CDKAL1: variants seen among roughly 807,000 people sequenced by gnomAD.
CDKAL1 encodes the protein CDKAL1 threonylcarbamoyladenosine tRNA methylthiotransferase, also known as threonylcarbamoyladenosine tRNA methylthiotransferase.
A neutral mutation model predicts 68.2 loss-of-function variants in CDKAL1; 32 were observed. That is an observed-to-expected ratio of 0.47 (90% confidence interval 0.35 to 0.63). The LOEUF (loss-of-function observed/expected upper bound fraction) is 0.63, where lower values mean the gene tolerates loss of function less well. CDKAL1 is among the 30% of genes least tolerant of loss of function. CDKAL1 has a pLI of 0.00. For synonymous variants in CDKAL1, 234 were observed against 244.3 expected (o/e 0.96, Z 0.39); for missense variants, 606 against 696.7 (o/e 0.87, Z 1.47).
At chr6:20,535,965 T>G (rs1458428405) in intron 2 of CDKAL1, among the ~76,000 whole-genome samples, 1 of 152,208 alleles carries the variant, frequency 6.6e-6, no homozygotes, top group African/African-American at 2.4e-5. Flanking sequence ...ACGGCTTCCC[T>G]ATGCCACCCA....
At chr6:20,816,773 C>G (rs1777064686) in intron 8 of CDKAL1, among the ~76,000 whole-genome samples, 1 of 151,954 alleles carries the variant, frequency 6.6e-6, no homozygotes, top group South Asian at 2.1e-4. Flanking sequence ...CATCCTGGTC[C>G]TTATATAAGC....
chr6:21,171,068 A>C (rs1380931602), intron 13 of CDKAL1, among the ~76,000 whole-genome samples: 2 of 152,208 alleles, frequency 1.3e-5, no homozygotes, highest in Admixed American at 1.3e-4. Flanking sequence ...AAAATCTGAA[A>C]AGTAAAGAGA....
intron 4 of CDKAL1, among the ~76,000 whole-genome samples, chr6:20,638,517 G>A (rs991580667): frequency 6.6e-6 from 1 of 152,138 alleles, no homozygotes; most frequent in Non-Finnish European, 1.5e-5. Context: ...ATGGTGGCTG[G>A]ATCGTGAAGG....
intron 10 of CDKAL1, among the ~76,000 whole-genome samples, chr6:20,988,376 A>G (rs2150790158): frequency 6.6e-6 from 1 of 152,254 alleles, no homozygotes; most frequent in South Asian, 2.1e-4. Context: ...AGACACCCAG[A>G]AATAATGTTT....
At position 20,754,399 on chromosome 6, in the gene CDKAL1, T is replaced by G. The variant is rs913349739; in HGVS notation, c.469-4196T>G. ...ATTGACCACTGTAACCATTTTTAAC[T>G]GATGTGGAGTACATTTACATTGTTG... On this transcript the variant is annotated intron_variant, in intron 6 of 15. Transcript: ENST00000274695. 5.9e-5 allele frequency among the ~76,000 whole-genome samples: 9 copies of G among 152,330 alleles called. No homozygotes were observed. In the East Asian group the frequency reaches 1.7e-3, roughly 29 times the overall value.
intron 5 of CDKAL1, among the ~76,000 whole-genome samples, chr6:20,736,982 T>C (rs935177849): frequency 2.6e-5 from 4 of 152,160 alleles, no homozygotes; most frequent in African/African-American, 9.7e-5. Context: ...ACTTAAGAGA[T>C]TTCCATATTG....
At chr6:20,713,800 A>G (rs997365983) in intron 5 of CDKAL1, among the ~76,000 whole-genome samples, 2 of 152,182 alleles carry the variant, frequency 1.3e-5, no homozygotes, top group Non-Finnish European at 2.9e-5. Context: ...AGCTTTCTAA[A>G]TACCTTATCA....
At chr6:21,185,380 A>G (rs943810730) in intron 13 of CDKAL1, among the ~76,000 whole-genome samples, 2 of 152,200 alleles carry the variant, frequency 1.3e-5, no homozygotes, top group Non-Finnish European at 2.9e-5. Flanking sequence ...TTGATATGAA[A>G]AAGTACATAG....
At chr6:20,636,021 C>T (rs1335740970) in intron 4 of CDKAL1, among the ~76,000 whole-genome samples, 1 of 152,082 alleles carries the variant, frequency 6.6e-6, no homozygotes, top group South Asian at 2.1e-4. Context: ...TTCTGTGTCC[C>T]CTCGTCTTCA....
chr6:21,069,225 T>C (rs1231089897), intron 12 of CDKAL1, among the ~76,000 whole-genome samples: 3 of 152,302 alleles, frequency 2.0e-5, no homozygotes, highest in African/African-American at 7.2e-5. Context: ...GGCATCTTTC[T>C]CTTCTTCCCA....
chr6:20,605,896 T>C (rs1056556658), intron 4 of CDKAL1, among the ~76,000 whole-genome samples: 2 of 152,144 alleles, frequency 1.3e-5, no homozygotes, highest in African/African-American at 2.4e-5. Flanking sequence ...CTCAGCTGAG[T>C]ACTGTAATTA....
At chr6:20,554,707 T>C (rs924351628) in intron 4 of CDKAL1, among the ~76,000 whole-genome samples, 2 of 152,192 alleles carry the variant, frequency 1.3e-5, no homozygotes, top group African/African-American at 4.8e-5. Context: ...CTCCCTAGCC[T>C]GATAGTGGAA....
intron 4 of CDKAL1, among the ~76,000 whole-genome samples, chr6:20,552,004 C>T (rs552195494): frequency 7.0e-6 from 1 of 143,360 alleles, no homozygotes; most frequent in South Asian, 2.2e-4. Flanking sequence ...GCTGGGACTA[C>T]AGTTGTGTGC....
At chr6:20,902,246 T>C (rs1386560351) in intron 9 of CDKAL1, among the ~76,000 whole-genome samples, 1 of 151,822 alleles carries the variant, frequency 6.6e-6, no homozygotes, top group Non-Finnish European at 1.5e-5. Flanking sequence ...GAATAAATTG[T>C]AGGGGTTCAG....
At chr6:21,193,111 C>A (rs1778327274) in intron 13 of CDKAL1, among the ~76,000 whole-genome samples, 1 of 152,138 alleles carries the variant, frequency 6.6e-6, no homozygotes, top group South Asian at 2.1e-4. Flanking sequence ...GAACCACCAC[C>A]ACACCCAGCC....
At chr6:20,757,998 A>G (rs1233459810) in intron 6 of CDKAL1, among the ~76,000 whole-genome samples, 5 of 152,108 alleles carry the variant, frequency 3.3e-5, no homozygotes, top group Non-Finnish European at 7.4e-5. Context: ...GCATTCCTGC[A>G]TCACTTGGTC....
chr6:20,926,920 TA>T (rs1763215078), intron 9 of CDKAL1, among the ~76,000 whole-genome samples: 1 of 147,838 alleles, frequency 6.8e-6, no homozygotes, highest in South Asian at 2.1e-4. Context: ...TTTACATATA[TA>T]TTTTTATATA....
In CDKAL1 at chr6:20,655,369, G is replaced by A. The variant is rs572735851; in HGVS notation, c.371+5992G>A. ...GGTACAGAGGATCTCATCTAAAGTG[G>A]AGGTGTTCAGAATTGGAAGGAATAC... On this transcript the variant is annotated intron_variant, in intron 5 of 15. Transcript: ENST00000274695. Among the ~76,000 whole-genome samples, 71 of 152,258 alleles carry A rather than the reference G, an allele frequency of 4.7e-4. 1 individual carries two copies. Among genetic ancestry groups the A allele is most frequent in the African/African-American group, 1.7e-3 (69 of 41,546 alleles).
intron 12 of CDKAL1, among the ~76,000 whole-genome samples, chr6:21,093,077 CA>C (rs1438889455): frequency 6.6e-6 from 1 of 152,162 alleles, no homozygotes; most frequent in African/African-American, 2.4e-5. Flanking sequence ...AATTCAAGGA[CA>C]TTTTTAATGA....
Sources: allele counts gnomAD v4.1 joint callset (sites outside exome capture counted in the v4.1 genomes callset), GRCh38; gene constraint gnomAD v4.1.1; transcripts MANE v1.5; gene names NCBI Gene and HGNC (gene_info 2026-07-23, HGNC 2026-07-21).